The following FOXN2 variants were observed in gnomAD, a reference collection of about 807,000 sequenced individuals.
The protein encoded by FOXN2 is forkhead box protein N2.
In FOXN2, 19 loss-of-function variants were observed where a neutral mutation model predicts 41.2. The observed-to-expected ratio is 0.46, with a 90% CI of 0.32 to 0.68. The LOEUF is 0.68. FOXN2 is among the 30% of genes least tolerant of loss of function. The pLI is 0.03. For missense variants in FOXN2, 587 were observed against 509.4 expected, an observed-to-expected ratio of 1.15 and a Z score of -1.47; for synonymous variants, 195 against 176.8, an observed-to-expected ratio of 1.10 and a Z score of -0.82.
chr2:48,372,231 C>T (rs1361208844), intron 5 of FOXN2, among the ~76,000 whole-genome samples: 1 of 152,190 alleles, frequency 6.6e-6, no homozygotes, highest in African/African-American at 2.4e-5. Context: ...TAGTGGCCAG[C>T]ATCTGATTTA....
At chr2:48,335,163 A>G (rs565568575) in intron 2 of FOXN2, among the ~76,000 whole-genome samples, 47 of 152,342 alleles carry the variant, frequency 3.1e-4, no homozygotes, top group African/African-American at 1.0e-3. Flanking sequence ...CAAATAGTTC[A>G]CGTTTTGGAA....
At chr2:48,332,020 A>G (rs1352823161) in intron 2 of FOXN2, among the ~76,000 whole-genome samples, 1 of 152,100 alleles carries the variant, frequency 6.6e-6, no homozygotes, top group Non-Finnish European at 1.5e-5. Flanking sequence ...TGGATGGAAA[A>G]ATTATTATTT....
At chr2:48,344,549 G>T (rs995623968) in intron 2 of FOXN2, among the ~76,000 whole-genome samples, 1 of 152,136 alleles carries the variant, frequency 6.6e-6, no homozygotes, top group Admixed American at 6.5e-5. Context: ...ATTAATAATA[G>T]TGCCTACCTT....
At chr2:48,359,015 G>T in intron 3 of FOXN2, 32 bp from the exon 4 acceptor site, 1 of 1,512,854 alleles carries the variant, frequency 6.6e-7, no homozygotes, top group Non-Finnish European at 9.1e-7. Context: ...ATGTATAAAA[G>T]TTCCTAGTTA....
At chr2:48,313,970 T>C (rs1244943752), upstream of FOXN2, among the ~76,000 whole-genome samples, 3 of 152,236 alleles carry the variant, frequency 2.0e-5, no homozygotes, top group African/African-American at 4.8e-5. Flanking sequence ...GTGAAGTCCT[T>C]AGCTTCTGTA....
At chr2:48,320,876 A>G (rs915691931) in intron 1 of FOXN2, among the ~76,000 whole-genome samples, 14 of 152,316 alleles carry the variant, frequency 9.2e-5, no homozygotes, top group African/African-American at 3.1e-4. Flanking sequence ...CTTTATTGTT[A>G]TAGCAAGTTA....
At chr2:48,362,807 C>A in intron 5 of FOXN2, 100 bp downstream of exon 5, 1 of 991,044 alleles carries the variant, frequency 1.0e-6, no homozygotes, top group East Asian at 2.4e-5. Flanking sequence ...TATAATGGAG[C>A]TGAAAAATTT....
chr2:48,348,110 T>C (rs1558627175), intron 3 of FOXN2, among the ~76,000 whole-genome samples: 1 of 152,162 alleles, frequency 6.6e-6, no homozygotes, highest in East Asian at 1.9e-4. Context: ...TTTCATTAAA[T>C]TTAGGAAATT....
chr2:48,352,186 T>C (rs1250066878), intron 3 of FOXN2, among the ~76,000 whole-genome samples: 6 of 152,192 alleles, frequency 3.9e-5, no homozygotes, highest in South Asian at 2.1e-4. Flanking sequence ...TTAAACAATA[T>C]CTGAATTCAT....
intron 5 of FOXN2, among the ~76,000 whole-genome samples, chr2:48,369,703 G>T (rs1442776643): frequency 6.6e-6 from 1 of 151,674 alleles, no homozygotes; most frequent in Non-Finnish European, 1.5e-5. Context: ...TAGAAACAAG[G>T]TAGATCCTTT....
At chr2:48,327,781 T>A (rs777288622) in intron 1 of FOXN2, among the ~76,000 whole-genome samples, 1 of 152,320 alleles carries the variant, frequency 6.6e-6, no homozygotes, top group Non-Finnish European at 1.5e-5. Context: ...TCTTTAATAA[T>A]TTTTTAGCAT....
intron 5 of FOXN2, among the ~76,000 whole-genome samples, chr2:48,373,077 C>T (rs534405284): frequency 1.3e-5 from 2 of 152,218 alleles, no homozygotes; most frequent in South Asian, 4.1e-4. Flanking sequence ...ATCTCTTTTA[C>T]ACTGTATTGT....
intron 1 of FOXN2, among the ~76,000 whole-genome samples, chr2:48,319,151 G>C (rs1380080053): frequency 6.9e-6 from 1 of 143,898 alleles, no homozygotes; most frequent in African/African-American, 2.5e-5. Flanking sequence ...CCACTCAAAA[G>C]CCTTTTTTTT....
intron 2 of FOXN2, among the ~76,000 whole-genome samples, chr2:48,340,164 A>G (rs944980377): frequency 6.6e-6 from 1 of 152,238 alleles, no homozygotes; most frequent in Admixed American, 6.5e-5. Flanking sequence ...GATTGGTTAA[A>G]TCAACATTTT....
intron 3 of FOXN2, among the ~76,000 whole-genome samples, chr2:48,348,735 C>T (rs180996303): frequency 1.3e-5 from 2 of 152,356 alleles, no homozygotes; most frequent in East Asian, 3.9e-4. Flanking sequence ...CTTCAGACTC[C>T]TACAGAGATG....
intron 1 of FOXN2, among the ~76,000 whole-genome samples, chr2:48,318,909 A>G (rs570695814): frequency 2.0e-5 from 3 of 152,350 alleles, no homozygotes; most frequent in Non-Finnish European, 2.9e-5. Flanking sequence ...CATTTAGAAT[A>G]TATGTTATTA....
chr2:48,319,902 G>C (rs1285684273), intron 1 of FOXN2, among the ~76,000 whole-genome samples: 2 of 150,402 alleles, frequency 1.3e-5, no homozygotes, highest in Non-Finnish European at 3.0e-5. Flanking sequence ...AAAGCGCTGG[G>C]ATTTTAGGCA....
intron 1 of FOXN2, among the ~76,000 whole-genome samples, chr2:48,323,956 A>G (rs1669501928): frequency 6.6e-6 from 1 of 152,110 alleles, no homozygotes. Context: ...CCAATTTAGT[A>G]GTGCTTTTTA....
intron 5 of FOXN2, 85 bp from the exon 6 acceptor site, chr2:48,373,207 C>G: frequency 3.3e-6 from 3 of 904,280 alleles, no homozygotes; most frequent in Non-Finnish European, 3.5e-6. Context: ...AATTGTAACG[C>G]TGGTTATCTT....
Sources: gnomAD v4.1 joint callset for allele counts (sites outside exome capture counted in the v4.1 genomes callset) on GRCh38, gnomAD v4.1.1 for gene constraint, MANE v1.5 for transcripts, NCBI Gene and HGNC (gene_info 2026-07-23, HGNC 2026-07-21) for gene names.